The following HIVEP3 variants were observed in gnomAD, a reference collection of about 807,000 sequenced individuals.
HIVEP3 encodes HIVEP zinc finger 3, also known as transcription factor HIVEP3.
A neutral mutation model predicts 152.8 loss-of-function variants in HIVEP3; 49 were observed. The observed-to-expected ratio is 0.32, with a 90% CI of 0.26 to 0.41. HIVEP3 has a LOEUF of 0.41. HIVEP3 is among the 10% of genes least tolerant of loss of function. HIVEP3 has a pLI of 1.00. For missense variants in HIVEP3, 2,790 were observed against 3,103.3 expected, an observed-to-expected ratio of 0.90 and a Z score of 2.40; for synonymous variants, 1,269 against 1,289.0, an observed-to-expected ratio of 0.98 and a Z score of 0.33.
In HIVEP3 at chr1:41,641,304, G is replaced by A. The variant is rs555083809; in HGVS notation, c.-720-12357C>T. Among the ~76,000 whole-genome samples the A allele has an allele frequency of 1.6e-4, 24 of 152,296 alleles. No individual in the cohort carries two copies. The East Asian group carries it at 4.6e-3, about 29-fold the overall frequency. On this transcript the variant is annotated intron_variant, in intron 2 of 8. Transcript: ENST00000372583. ...ACTGTGATAACAGGTGTGTGTTTTTGGAGGCAGAATTGCTTTCTGCCCACA... is the reference window on the plus strand; with the variant it reads ...ACTGTGATAACAGGTGTGTGTTTTTAGAGGCAGAATTGCTTTCTGCCCACA...
chr1:41,740,183 G>A (rs1383826700), intron 1 of HIVEP3, among the ~76,000 whole-genome samples: 1 of 152,224 alleles, frequency 6.6e-6, no homozygotes, highest in Non-Finnish European at 1.5e-5. Context: ...GCTGGCAATG[G>A]TGTGGCCACT....
In HIVEP3 at chr1:41,581,875, T is replaced by G; in HGVS notation, c.2923A>C (p.Met975Leu). The G allele has an allele frequency of 1.2e-6, 2 of 1,611,544 alleles. No homozygotes were observed. Residue 975 changes from methionine (M) to leucine (L), a missense_variant, in exon 4 of 9, where the codon ATG becomes CTG. This residue lies in a region of HIVEP3 where 1,078 missense variants were observed against 1,165.3 expected (regional missense o/e 0.93). Transcript: ENST00000372583. This position sits in a 1 kb window ranked among gnomAD's most constrained non-coding sequence, Gnocchi z 4.5. ...GGGTGGTGGCTGGGGACAGTCAACA[T>G]GTGGGTGCCCAGGGGTTTGGGGCGC... ...DMRPKPLGTH[M>L]LTVPSHHPHA...
At chr1:41,544,802 C>CACCACT (rs1643649951) in intron 5 of HIVEP3, among the ~76,000 whole-genome samples, 1 of 134,932 alleles carries the variant, frequency 7.4e-6, no homozygotes, top group Non-Finnish European at 1.6e-5. Context: ...CTACCATCAC[C>CACCACT]ACCACCACTA....
intron 1 of HIVEP3, among the ~76,000 whole-genome samples, chr1:41,796,973 C>G (rs955507862): frequency 3.9e-5 from 6 of 152,186 alleles, no homozygotes; most frequent in Non-Finnish European, 8.8e-5. Flanking sequence ...CATTGTGAAA[C>G]TGGTGGAAAA....
chr1:41,883,717 G>A (rs955407168), intron 1 of HIVEP3, among the ~76,000 whole-genome samples: 5 of 152,098 alleles, frequency 3.3e-5, no homozygotes, highest in Non-Finnish European at 5.9e-5. Context: ...CTGTTGGCAC[G>A]GCCTGCTCTT....
chr1:41,863,618 T>C (rs1643916859), intron 1 of HIVEP3, among the ~76,000 whole-genome samples: 1 of 152,240 alleles, frequency 6.6e-6, no homozygotes, highest in Non-Finnish European at 1.5e-5. Flanking sequence ...ATGATTCTAA[T>C]TCTGGTTCTC....
In HIVEP3 at chr1:41,582,208, G is replaced by T. The variant is rs1332149235; in HGVS notation, c.2590C>A (p.Pro864Thr). 1.2e-6 allele frequency: 2 copies of T among 1,613,932 alleles called. No homozygotes were observed. Among genetic ancestry groups the T allele is most frequent in the Non-Finnish European group, 8.5e-7 (1 of 1,179,982 alleles). The change falls in exon 4 of 9, where the codon CCT (proline) becomes ACT (threonine). Residue 864 changes from proline to threonine, a missense_variant. Physicochemically the swap from Pro to Thr is conservative, Grantham distance 38. Transcript: ENST00000372583. This position sits in a 1 kb window ranked among gnomAD's most constrained non-coding sequence, Gnocchi z 4.7. ...TCTGGCTCTGTGTCCGGCCGGTCAGGCTCCTCAGTTACTAGGATCTCAGGA... is the reference window on the plus strand; with the variant it reads ...TCTGGCTCTGTGTCCGGCCGGTCAGTCTCCTCAGTTACTAGGATCTCAGGA... ...QVPEILVTEE[P>T]DRPDTEPEPP...
intron 3 of HIVEP3, among the ~76,000 whole-genome samples, chr1:41,589,179 GAAATGGGCCCAGGAGCTGGGCCAACAGA>G (rs1644549410): frequency 1.3e-5 from 2 of 152,190 alleles, no homozygotes; most frequent in Admixed American, 6.5e-5. Flanking sequence ...AGTCACCAGA[GAAATGGGCCCAGGAGCTGGGCCAACAGA>G]GGCCTGAACC....
intron 1 of HIVEP3, among the ~76,000 whole-genome samples, chr1:41,747,601 A>G (rs1417105063): frequency 6.6e-6 from 1 of 152,244 alleles, no homozygotes; most frequent in Non-Finnish European, 1.5e-5. Flanking sequence ...ACCTTTTTCT[A>G]GACACATATG....
chr1:41,810,330 G>A (rs564035429), intron 1 of HIVEP3, among the ~76,000 whole-genome samples: 1 of 152,342 alleles, frequency 6.6e-6, no homozygotes, highest in African/African-American at 2.4e-5. Context: ...TCAACCACTT[G>A]TAAGAAAGCA....
intron 1 of HIVEP3, among the ~76,000 whole-genome samples, chr1:41,704,291 C>T (rs1646403458): frequency 6.6e-6 from 1 of 152,228 alleles, no homozygotes; most frequent in Admixed American, 6.5e-5. Context: ...ATTTGCATAG[C>T]CCAGGCTCCA....
At chr1:41,973,046 GCACACA>G (rs61424124) in intron 1 of HIVEP3, among the ~76,000 whole-genome samples, 49 of 147,120 alleles carry the variant, frequency 3.3e-4, no homozygotes, top group Non-Finnish European at 5.9e-4. Flanking sequence ...ACATGTGCGT[GCACACA>G]CACACACACA....
chr1:41,648,223 G>A (rs1207110701), intron 2 of HIVEP3, among the ~76,000 whole-genome samples: 1 of 152,136 alleles, frequency 6.6e-6, no homozygotes, highest in Non-Finnish European at 1.5e-5. Context: ...TGTCCTCCAC[G>A]ACTGTTTAAT....
chr1:41,951,731 T>C (rs375800673), intron 1 of HIVEP3, among the ~76,000 whole-genome samples: 1 of 151,982 alleles, frequency 6.6e-6, no homozygotes, highest in South Asian at 2.1e-4. Context: ...TGAGTGCCAG[T>C]AGGGGAAATA....
In HIVEP3 at chr1:41,584,975, C is replaced by T. The variant is rs551267070; in HGVS notation, c.-178G>A. ...AAGTGTCACTGGCTGTGAGTGGACTCGGAGCAGGTCATCAGGGCCCACGCT... is the reference window on the plus strand; with the variant it reads ...AAGTGTCACTGGCTGTGAGTGGACTTGGAGCAGGTCATCAGGGCCCACGCT... On this transcript the variant is annotated 5_prime_UTR_variant, in exon 4 of 9. Coordinates refer to ENST00000372583, the MANE Select transcript of HIVEP3 (RefSeq NM_024503.5). The surrounding 1 kb of genome is among the most constrained non-coding windows in gnomAD (Gnocchi z 5.2). 1.0e-5 allele frequency: 5 copies of T among 477,808 alleles called. No individual in the cohort carries two copies. Among genetic ancestry groups the T allele is most frequent in the African/African-American group, 5.9e-5 (3 of 50,578 alleles). The allele number at this position is 477,808 out of a possible 1,614,324, so 29.6% of individuals were successfully genotyped here.
At chr1:41,934,028 G>T (rs1029771133) in intron 1 of HIVEP3, among the ~76,000 whole-genome samples, 2 of 152,074 alleles carry the variant, frequency 1.3e-5, no homozygotes, top group Non-Finnish European at 2.9e-5. Flanking sequence ...CTACATACAT[G>T]TCACACTAAT....
intron 3 of HIVEP3, among the ~76,000 whole-genome samples, chr1:41,588,449 T>C (rs1316177425): frequency 1.3e-5 from 2 of 152,124 alleles, no homozygotes; most frequent in Admixed American, 1.3e-4. Flanking sequence ...CTCCCCTCAC[T>C]GAGCCACAAG....
At chr1:41,814,511 A>C (rs9803646) in intron 1 of HIVEP3, among the ~76,000 whole-genome samples, 55,223 of 152,176 alleles carry the variant, frequency 0.36, 10,322 homozygotes, top group African/African-American at 0.4. Context: ...ACTTGAATGC[A>C]GGCCCGGCTT....
chr1:41,690,166 G>T (rs113911530), intron 2 of HIVEP3, among the ~76,000 whole-genome samples: 57 of 152,368 alleles, frequency 3.7e-4, no homozygotes, highest in African/African-American at 1.3e-3. Flanking sequence ...GTGTGGACAG[G>T]TGAGTAGAAA....
Sources: gnomAD v4.1 joint callset for allele counts (sites outside exome capture counted in the v4.1 genomes callset) on GRCh38, gnomAD v4.1.1 for gene constraint, gnomAD v4.1.1 regional missense constraint, Gnocchi (gnomAD v3.1) non-coding constraint, MANE v1.5 for transcripts, NCBI Gene and HGNC (gene_info 2026-07-23, HGNC 2026-07-21) for gene names.